CEP350: variants seen among roughly 807,000 people sequenced by gnomAD.
CEP350 encodes the protein centrosome-associated protein 350.
A neutral mutation model predicts 331.8 loss-of-function variants in CEP350; 126 were observed. That is an observed-to-expected ratio of 0.38 (90% CI 0.33 to 0.44). The LOEUF (loss-of-function observed/expected upper bound fraction) is 0.44. Ranked by LOEUF, CEP350 falls within the 20% of genes least tolerant of loss-of-function variation. CEP350 has a pLI of 1.00. For missense variants in CEP350, 3,406 were observed against 3,634.6 expected (o/e 0.94, Z 1.62); for synonymous variants, 1,200 against 1,259.5 (o/e 0.95, Z 1.00).
At chr1:180,050,491 C>T (rs145052145) in intron 22 of CEP350, among the ~76,000 whole-genome samples, 5,101 of 151,796 alleles carry the variant, frequency 0.034, 136 homozygotes, top group Non-Finnish European at 0.052. Context: ...GGTGAAACCC[C>T]ATCTCTACTA....
chr1:180,027,883 T>C (rs4076449), intron 14 of CEP350, among the ~76,000 whole-genome samples: 86,436 of 151,966 alleles, frequency 0.57, 26,416 homozygotes, highest in East Asian at 0.72. Context: ...ATGCCATGTT[T>C]AAAATGTGGT....
At chr1:180,037,843 G>T (rs916564212) in intron 17 of CEP350, among the ~76,000 whole-genome samples, 1 of 152,034 alleles carries the variant, frequency 6.6e-6, no homozygotes, top group Non-Finnish European at 1.5e-5. Flanking sequence ...TAGAGACAGG[G>T]TTTCACCATG....
intron 37 of CEP350, among the ~76,000 whole-genome samples, chr1:180,107,915 A>T (rs536786618): frequency 3.2e-4 from 49 of 152,286 alleles, no homozygotes; most frequent in African/African-American, 1.1e-3. Context: ...AAATGTATTA[A>T]TTTTTACATA....
intron 32 of CEP350, among the ~76,000 whole-genome samples, chr1:180,089,980 G>A (rs1300194588): frequency 1.3e-5 from 2 of 152,170 alleles, no homozygotes; most frequent in Non-Finnish European, 2.9e-5. Context: ...AGCAAATGAA[G>A]TCAAGAAAAT....
At chr1:180,089,335 C>T (rs181024927) in intron 32 of CEP350, among the ~76,000 whole-genome samples, 1 of 152,232 alleles carries the variant, frequency 6.6e-6, no homozygotes, top group African/African-American at 2.4e-5. Flanking sequence ...CCTGTAATCC[C>T]ATCACTTTGG....
At chr1:179,965,621 T>TC (rs1236991597) in intron 1 of CEP350, among the ~76,000 whole-genome samples, 8 of 141,230 alleles carry the variant, frequency 5.7e-5, no homozygotes, top group Middle Eastern at 3.5e-3. Context: ...TTTTCTTTTT[T>TC]TTTTTTTTTT....
chr1:180,015,481 G>A (rs563312822), intron 10 of CEP350, among the ~76,000 whole-genome samples: 2 of 152,040 alleles, frequency 1.3e-5, no homozygotes, highest in South Asian at 2.1e-4. Flanking sequence ...TGATCCGCCC[G>A]CCTCGGCCTC....
intron 3 of CEP350, among the ~76,000 whole-genome samples, chr1:179,989,556 G>T (rs372943691): frequency 2.0e-5 from 3 of 150,662 alleles, no homozygotes; most frequent in South Asian, 4.2e-4. Flanking sequence ...ATGGAATTTT[G>T]ATTTTAATTT....
Position 180,078,624 on chromosome 1 carries a change from G to A in CEP350, c.5929G>A (p.Glu1977Lys). 1 of 1,612,422 alleles carries A rather than the reference G, an allele frequency of 6.2e-7. No homozygotes were observed. The highest frequency in any genetic ancestry group is 8.5e-7 in the Non-Finnish European group (1 of 1,179,132). Residue 1977 changes from glutamate to lysine, a missense_variant, in exon 29 of 38, where the codon GAA becomes AAA. Glu to Lys is a moderately conservative substitution (Grantham distance 56). This residue lies in a region of CEP350 where 1,415 missense variants were observed against 1,512.3 expected (regional missense o/e 0.94). Coordinates refer to ENST00000367607, the MANE Select transcript of CEP350 (RefSeq NM_014810.5). Reference protein sequence around the residue: ...GSPDHSILTEEMICSQELESS... With the variant: ...GSPDHSILTEKMICSQELESS... ...TCCAGATCACAGTATACTTACTGAA[G>A]AAATGATTTGTTCACAGGAACTAGA...
chr1:180,048,732 A>C (rs754916730), intron 22 of CEP350, 27 bp downstream of exon 22: 1 of 1,565,246 alleles, frequency 6.4e-7, no homozygotes, highest in South Asian at 1.1e-5. Context: ...ATAAATGTGT[A>C]ATCATTTGTT....
chr1:180,007,879 T>TGTGTGTGTGTGTGTG (rs1571858603), intron 8 of CEP350, among the ~76,000 whole-genome samples: 1 of 146,304 alleles, frequency 6.8e-6, no homozygotes, highest in Non-Finnish European at 1.5e-5. Context: ...TGTGTGTGTG[T>TGTGTGTGTGTGTGTG]TAAGGGGTAA....
chr1:179,979,583 C>T (rs897934402), intron 1 of CEP350, among the ~76,000 whole-genome samples: 3 of 151,778 alleles, frequency 2.0e-5, no homozygotes, highest in Admixed American at 6.6e-5. Flanking sequence ...GCTTTTGTTG[C>T]TTGTGCTTTT....
At chr1:180,052,921 A>C (rs1056648182) in intron 22 of CEP350, 49 bp from the exon 23 acceptor site, 1 of 700,430 alleles carries the variant, frequency 1.4e-6, no homozygotes, top group Non-Finnish European at 2.4e-6. Context: ...TTGAATACCT[A>C]CTGAGAACAA....
At chr1:180,088,421 CA>C (rs10556094) in intron 32 of CEP350, among the ~76,000 whole-genome samples, 19,547 of 142,278 alleles carry the variant, frequency 0.14, 1,213 homozygotes, top group African/African-American at 0.17. Context: ...TGACTAAAAG[CA>C]AAAAAAAAAA....
intron 6 of CEP350, among the ~76,000 whole-genome samples, chr1:179,999,111 C>T (rs1653687328): frequency 6.6e-6 from 1 of 152,068 alleles, no homozygotes; most frequent in South Asian, 2.1e-4. Context: ...TAATTAAGTA[C>T]AGACCCATTA....
intron 37 of CEP350, among the ~76,000 whole-genome samples, chr1:180,108,693 T>C (rs1014783071): frequency 9.2e-5 from 14 of 152,144 alleles, no homozygotes; most frequent in Non-Finnish European, 1.6e-4. Context: ...GAACACCAAT[T>C]CCATGGTAGG....
rs1654276695 is a variant in CEP350, at chr1:180,006,644, C to T, written c.1246+77C>T. ...TCATTATACTTTAAGTTTTGGGATA[C>T]ATGTGCAGAACGTGCAGGTTTGATA... On this transcript the variant is annotated intron_variant, in intron 8 of 37. Transcript: ENST00000367607. The T allele has an allele frequency of 5.1e-6, 4 of 777,924 alleles. No individual in the cohort carries two copies. The East Asian group carries it at 1.1e-4, about 21-fold the overall frequency. The allele number at this position is 777,924 out of a possible 1,614,324, so 48.2% of individuals were successfully genotyped here.
At chr1:180,012,843 C>T (rs1654746455) in intron 9 of CEP350, among the ~76,000 whole-genome samples, 1 of 152,192 alleles carries the variant, frequency 6.6e-6, no homozygotes, top group African/African-American at 2.4e-5. Flanking sequence ...TATTCCCAGT[C>T]TAAAGCCATG....
chr1:179,993,427 G>A (rs1348665245), intron 5 of CEP350, among the ~76,000 whole-genome samples: 1 of 151,842 alleles, frequency 6.6e-6, no homozygotes, highest in Non-Finnish European at 1.5e-5. Context: ...TGTAAATTAT[G>A]GTTTTTTGTT....
Sources: allele counts gnomAD v4.1 joint callset (sites outside exome capture counted in the v4.1 genomes callset), GRCh38; gene constraint gnomAD v4.1.1; regional missense constraint gnomAD v4.1.1; transcripts MANE v1.5; gene names NCBI Gene and HGNC (gene_info 2026-07-23, HGNC 2026-07-21).